Variants in CDC37 observed in about 807,000 individuals in gnomAD.
CDC37 encodes cell division cycle 37, HSP90 cochaperone, also known as hsp90 co-chaperone Cdc37.
CDC37 carries 9 observed loss-of-function variants against 46.9 expected under a neutral mutation model. The observed-to-expected ratio is 0.19, with a 90% CI of 0.12 to 0.33. The LOEUF (loss-of-function observed/expected upper bound fraction) is 0.33, where lower values mean the gene tolerates loss of function less well. CDC37 is among the 10% of genes least tolerant of loss of function. CDC37 has a pLI of 1.00. For missense variants in CDC37, 388 were observed against 514.6 expected (o/e 0.75, Z 2.38); for synonymous variants, 193 against 191.0 (o/e 1.01, Z -0.09).
At chr19:10,403,266 TGG>T in intron 1 of CDC37, 110 bp downstream of exon 1, 2 of 765,780 alleles carry the variant, frequency 2.6e-6, no homozygotes, top group Non-Finnish European at 4.3e-6. Flanking sequence ...AAATCCAGAC[TGG>T]GGGGGTGAGA....
At position 10,400,963 on chromosome 19, in the gene CDC37, T is replaced by G. The variant is rs28382777; in HGVS notation, c.102+2415A>C. On this transcript the variant is annotated intron_variant, in intron 1 of 7. Coordinates refer to ENST00000222005, the MANE Select transcript of CDC37 (RefSeq NM_007065.4). ...AACAACCTTATGGGGTGGACATCATTCAGATTCTCAGGTAGGGAAACTGAG... is the reference window on the plus strand; with the variant it reads ...AACAACCTTATGGGGTGGACATCATGCAGATTCTCAGGTAGGGAAACTGAG... Among the ~76,000 whole-genome samples, 627 of 152,280 alleles carry G rather than the reference T, an allele frequency of 4.1e-3. 3 individuals are homozygous for G. Among genetic ancestry groups the G allele is most frequent in the Non-Finnish European group, 7.1e-3 (480 of 68,012 alleles).
At chr19:10,395,566 G>A in intron 2 of CDC37, 23 bp from the exon 3 acceptor site, 1 of 1,572,804 alleles carries the variant, frequency 6.4e-7, no homozygotes, top group Non-Finnish European at 8.8e-7. Context: ...GAGAGGGGGA[G>A]TGGGCTGGGG....
chr19:10,400,112 G>A (rs1305851923), intron 1 of CDC37, among the ~76,000 whole-genome samples: 1 of 152,026 alleles, frequency 6.6e-6, no homozygotes, highest in African/African-American at 2.4e-5. Flanking sequence ...AGGCCTCTTG[G>A]AGTTGGCGGG....
Position 10,398,822 on chromosome 19 carries a change from C to A in CDC37, c.103-2619G>T, listed in dbSNP as rs1264390447. On this transcript the variant is annotated intron_variant, in intron 1 of 7. Coordinates refer to ENST00000222005, the MANE Select transcript of CDC37 (RefSeq NM_007065.4). This position sits in a 1 kb window ranked among gnomAD's most constrained non-coding sequence, Gnocchi z 4.2. ...TGGTTGTTACTACATGGTCACAGCA[C>A]CCGGCTGTGCCACTGACGGGAGATG... Among the ~76,000 whole-genome samples the A allele has an allele frequency of 6.6e-6, 1 of 152,188 alleles. No individual in the cohort carries two copies. Among genetic ancestry groups the A allele is most frequent in the Non-Finnish European group, 1.5e-5 (1 of 68,042 alleles).
chr19:10,397,682 G>A (rs1204058000), intron 1 of CDC37, among the ~76,000 whole-genome samples: 1 of 152,068 alleles, frequency 6.6e-6, no homozygotes. Context: ...TGGGATTACA[G>A]GCATGAGCCA....
chr19:10,391,789 G>A, intron 7 of CDC37, 83 bp from the exon 8 acceptor site: 3 of 1,416,502 alleles, frequency 2.1e-6, no homozygotes, highest in Middle Eastern at 2.5e-4. Flanking sequence ...ACATCCCCAA[G>A]CTGGCTTCCT....
Position 10,396,348 on chromosome 19 carries a change from C to A in CDC37, c.103-145G>T. 1.1e-6 allele frequency: 1 copy of A among 922,992 alleles called. No individual in the cohort carries two copies. Among genetic ancestry groups the A allele is most frequent in the Non-Finnish European group, 1.6e-6 (1 of 623,768 alleles). 57.2% of individuals were successfully genotyped at this position (922,992 alleles called of 1,614,324 possible). A position where few individuals can be genotyped will look rare whatever the true frequency, so the allele number is the denominator to read the frequency against. Reference sequence around the variant, plus strand: ...TGGTCTCCCAGCTTCCGCCCCTGCGCCCACAGGTGCCAGCGCACACCCAAG... The same window carrying A: ...TGGTCTCCCAGCTTCCGCCCCTGCGACCACAGGTGCCAGCGCACACCCAAG... On this transcript the variant is annotated intron_variant, in intron 1 of 7. Transcript: ENST00000222005. The surrounding 1 kb of genome is among the most constrained non-coding windows in gnomAD (Gnocchi z 5.9).
rs751774992 is a variant in CDC37 at position 10,393,005 on chromosome 19, G to A, written c.981+81C>T. 1 of 1,329,164 alleles carries A rather than the reference G, an allele frequency of 7.5e-7. No homozygotes were observed. Among genetic ancestry groups the A allele is most frequent in the African/African-American group, 1.4e-5 (1 of 69,664 alleles). The allele number at this position is 1,329,164 out of a possible 1,614,324, so 82.3% of individuals were successfully genotyped here. On this transcript the variant is annotated intron_variant, in intron 7 of 7. Transcript: ENST00000222005. The surrounding 1 kb of genome is among the most constrained non-coding windows in gnomAD (Gnocchi z 4.9). Reference sequence around the variant, plus strand: ...AAGCCTTGGAGGGGCACTTTCACCAGCCGGCTTCAGAGACTTGGGACACAG... The same window carrying A: ...AAGCCTTGGAGGGGCACTTTCACCAACCGGCTTCAGAGACTTGGGACACAG...
At chr19:10,397,354 C>T (rs1292109364) in intron 1 of CDC37, among the ~76,000 whole-genome samples, 2 of 150,754 alleles carry the variant, frequency 1.3e-5, no homozygotes, top group Admixed American at 6.6e-5. Flanking sequence ...ATCTCCCAGG[C>T]TCAACCTGCC....
At chr19:10,392,215 G>A (rs2042461027) in intron 7 of CDC37, among the ~76,000 whole-genome samples, 1 of 152,206 alleles carries the variant, frequency 6.6e-6, no homozygotes, top group Non-Finnish European at 1.5e-5. Context: ...GGTTCCGTGA[G>A]CCATATGGTC....
chr19:10,397,031 G>A (rs1456482097), intron 1 of CDC37, among the ~76,000 whole-genome samples: 3 of 152,100 alleles, frequency 2.0e-5, no homozygotes, highest in Non-Finnish European at 4.4e-5. Context: ...CCTTCCTGAT[G>A]ATGGCAACTT....
Position 10,391,511 on chromosome 19 carries a change from T to C in CDC37, c.*40A>G, listed in dbSNP as rs1461991226. 6.2e-7 allele frequency: 1 copy of C among 1,611,922 alleles called. No homozygotes were observed. Among genetic ancestry groups the C allele is most frequent in the South Asian group, 1.1e-5 (1 of 91,012 alleles). ...TATCTGTTTTCTGAAAAGGGGCACA[T>C]AGGGGCCTGGAAGCAGGTGGCGGTG... On this transcript the variant is annotated 3_prime_UTR_variant, in exon 8 of 8. Transcript: ENST00000222005.
Position 10,396,000 on chromosome 19 carries a change from C to T in CDC37, c.306G>A (p.Leu102=). The T allele has an allele frequency of 6.2e-7, 1 of 1,613,910 alleles. No homozygotes were observed. The highest frequency in any genetic ancestry group is 8.5e-7 in the Non-Finnish European group (1 of 1,179,900). ...RKEERSWEQK[L]EEMRKKEKSM... is the part of the protein sequence containing the mutation. Reference sequence around the variant, plus strand: ...TCTTCTCCTTCTTGCGCATCTCCTCCAGCTTCTGCTCCCAGCTCCGCTCCT... The same window carrying T: ...TCTTCTCCTTCTTGCGCATCTCCTCTAGCTTCTGCTCCCAGCTCCGCTCCT... Residue 102 remains leucine (L), a synonymous_variant, in exon 2 of 8, where the codon CTG becomes CTA. Coordinates refer to ENST00000222005, the MANE Select transcript of CDC37 (RefSeq NM_007065.4).
intron 5 of CDC37, among the ~76,000 whole-genome samples, chr19:10,394,518 T>A (rs2042476870): frequency 6.6e-6 from 1 of 151,910 alleles, no homozygotes; most frequent in Non-Finnish European, 1.5e-5. Context: ...CCTCCACTTT[T>A]ATTTAATTAA....
At chr19:10,392,384 C>T (rs1568353535) in intron 7 of CDC37, among the ~76,000 whole-genome samples, 2 of 152,048 alleles carry the variant, frequency 1.3e-5, no homozygotes, top group Non-Finnish European at 1.5e-5. Context: ...ATGGCTATGC[C>T]CATAGAAGCT....
Position 10,391,337 on chromosome 19 carries a change from C to A in CDC37, c.*214G>T. The A allele has an allele frequency of 3.4e-6, 2 of 593,132 alleles. No homozygotes were observed. Among genetic ancestry groups the A allele is most frequent in the Non-Finnish European group, 3.0e-6 (1 of 333,322 alleles). 36.7% of individuals were successfully genotyped at this position (593,132 alleles called of 1,614,324 possible). A position where few individuals can be genotyped will look rare whatever the true frequency, so the allele number is the denominator to read the frequency against. On this transcript the variant is annotated 3_prime_UTR_variant, in exon 8 of 8. Coordinates refer to ENST00000222005, the MANE Select transcript of CDC37 (RefSeq NM_007065.4). The stretch of plus-strand genomic sequence containing the variant: ...TTGGCATAATGCTGATGGGGGGCTG[C>A]AGGCAGTGAAGCCCCTTGACTCAAA...
rs538612722 is a variant in CDC37, at chr19:10,398,622, G to A, written c.103-2419C>T. Among the ~76,000 whole-genome samples the A allele has an allele frequency of 2.6e-5, 4 of 152,308 alleles. No homozygotes were observed. In the South Asian group the frequency reaches 8.3e-4, roughly 32 times the overall value. On this transcript the variant is annotated intron_variant, in intron 1 of 7. Coordinates refer to ENST00000222005, the MANE Select transcript of CDC37 (RefSeq NM_007065.4). This position sits in a 1 kb window ranked among gnomAD's most constrained non-coding sequence, Gnocchi z 4.2. ...GGAGATGATTAGAGTAAAATGTCCC[G>A]AGCCATGTGGGCCCTCAGCACGCAC... is the stretch of plus-strand genomic sequence containing the variant.
At chr19:10,397,568 G>A (rs907415487) in intron 1 of CDC37, among the ~76,000 whole-genome samples, 13 of 151,858 alleles carry the variant, frequency 8.6e-5, no homozygotes, top group African/African-American at 2.9e-4. Context: ...GCGCCACCAC[G>A]CCTGGGTAAT....
Position 10,395,975 on chromosome 19 carries a change from T to C in CDC37, c.331A>G (p.Ser111Gly). The C allele has an allele frequency of 2.0e-6, 3 of 1,485,976 alleles. No individual in the cohort carries two copies. The highest frequency in any genetic ancestry group is 1.8e-6 in the Non-Finnish European group (2 of 1,101,838). 92.0% of individuals were successfully genotyped at this position (1,485,976 alleles called of 1,614,324 possible). ...KLEEMRKKEK[S>G]MPWNVDTLSK... The stretch of plus-strand genomic sequence containing the variant: ...AGCGTGTCCACGTTCCAGGGCATGC[T>C]CTTCTCCTTCTTGCGCATCTCCTCC... Residue 111 changes from serine (S) to glycine (G), a missense_variant, in exon 2 of 8, where the codon AGC becomes GGC. Physicochemically the swap from Ser to Gly is moderately conservative, Grantham distance 56. Around this residue, in one of 2 missense-constraint regions of CDC37, gnomAD observed 374 missense variants for 467.4 expected, o/e 0.80. Transcript: ENST00000222005.
Sources: gnomAD v4.1 joint callset for allele counts (sites outside exome capture counted in the v4.1 genomes callset) on GRCh38, gnomAD v4.1.1 for gene constraint, gnomAD v4.1.1 regional missense constraint, Gnocchi (gnomAD v3.1) non-coding constraint, MANE v1.5 for transcripts, NCBI Gene and HGNC (gene_info 2026-07-23, HGNC 2026-07-21) for gene names.